Variants in PLEKHG3 observed in about 807,000 individuals in gnomAD.
PLEKHG3 encodes the protein pleckstrin homology domain-containing family G member 3.
Under a neutral mutation model 94.9 loss-of-function variants are expected in PLEKHG3, and 62 were observed. The observed-to-expected ratio is 0.65, with a 90% CI of 0.53 to 0.81. PLEKHG3 has a LOEUF of 0.81. Among genes scored for constraint, PLEKHG3 ranks in the 30% least tolerant of loss-of-function variants. PLEKHG3 has a pLI of 0.00. For synonymous variants in PLEKHG3, 614 were observed against 654.0 expected (o/e 0.94, Z 0.93); for missense variants, 1,461 against 1,619.3 (o/e 0.90, Z 1.68).
rs1404022995 is a variant in PLEKHG3 at position 64,732,355 on chromosome 14, C to T, written c.1213-72C>T. The T allele has an allele frequency of 7.0e-7, 1 of 1,421,782 alleles. No individual in the cohort carries two copies. The highest frequency in any genetic ancestry group is 1.4e-5 in the African/African-American group (1 of 71,318). The allele number at this position is 1,421,782 out of a possible 1,614,324, so 88.1% of individuals were successfully genotyped here. A position where few individuals can be genotyped will look rare whatever the true frequency, so the allele number is the denominator to read the frequency against. ...ACTGTGGGGTGTCCTCGTACAGCAA[C>T]AGTGGGTCCTATGGGCAGGGAAGGC... On this transcript the variant is annotated intron_variant, in intron 10 of 16. Transcript: ENST00000247226. The surrounding 1 kb of genome is among the most constrained non-coding windows in gnomAD (Gnocchi z 4.9).
chr14:64,716,240 T>C lies in PLEKHG3; in HGVS notation c.-39-11353T>C. The C allele has an allele frequency of 2.8e-6, 1 of 356,540 alleles. No homozygotes were observed. The highest frequency in any genetic ancestry group is 5.6e-6 in the Non-Finnish European group (1 of 178,524). 22.1% of individuals were successfully genotyped at this position (356,540 alleles called of 1,614,324 possible). A position where few individuals can be genotyped will look rare whatever the true frequency, so the allele number is the denominator to read the frequency against. On this transcript the variant is annotated intron_variant, in intron 1 of 16. Transcript: ENST00000247226. This position sits in a 1 kb window ranked among gnomAD's most constrained non-coding sequence, Gnocchi z 5.0. ...GGGTAAAAGGCAGGTTTTTCCCTTG[T>C]GGGTTAGACACTGAGGACCATAAAG...
rs202235734 is a variant in PLEKHG3, at chr14:64,743,190, C to T, written c.3147C>T (p.Asp1049=). 4.3e-5 allele frequency: 69 copies of T among 1,610,276 alleles called. 1 individual carries two copies. The highest frequency in any genetic ancestry group is 9.3e-5 in the African/African-American group (7 of 75,038). The change falls in exon 17 of 17, where the codon GAC becomes GAT. Residue 1049 remains aspartate, a synonymous_variant. Transcript: ENST00000247226. The surrounding 1 kb of genome is among the most constrained non-coding windows in gnomAD (Gnocchi z 7.2). ...CCACAGAGACCTTCAGCTGGCCCGACGTCCGTGAGCTCTGCTCCAAGTATG... is the reference window on the plus strand; with the variant it reads ...CCACAGAGACCTTCAGCTGGCCCGATGTCCGTGAGCTCTGCTCCAAGTATG... ...LSPTETFSWP[D]VRELCSKYAS...
At chr14:64,737,739 G>A (rs2081599436) in intron 14 of PLEKHG3, 2 of 414,424 alleles carry the variant, frequency 4.8e-6, no homozygotes, top group Non-Finnish European at 8.1e-6. Context: ...GACCCCAGTG[G>A]CAACCTGAGT....
In PLEKHG3 at chr14:64,727,271, A is replaced by T. The variant is rs1405909104; in HGVS notation, c.-39-322A>T. ...GCAGGTGGACTTGGGCACCCTCATC[A>T]GTGCTCATAGAGTCTGAGAACAGGG... On this transcript the variant is annotated intron_variant, in intron 1 of 16. Transcript: ENST00000247226. This position sits in a 1 kb window ranked among gnomAD's most constrained non-coding sequence, Gnocchi z 6.0. Among the ~76,000 whole-genome samples, 2 of 152,136 alleles carry T rather than the reference A, an allele frequency of 1.3e-5. No individual in the cohort carries two copies. The highest frequency in any genetic ancestry group is 2.9e-5 in the Non-Finnish European group (2 of 68,022).
chr14:64,707,601 G>A (rs2080992696), intron 1 of PLEKHG3, among the ~76,000 whole-genome samples: 1 of 152,252 alleles, frequency 6.6e-6, no homozygotes, highest in Non-Finnish European at 1.5e-5. Flanking sequence ...GGGAAGGTAG[G>A]TGTGAATTGT....
chr14:64,738,317 A>G lies in PLEKHG3; in HGVS notation c.1405-425A>G, dbSNP rs1594707517. Reference sequence around the variant, plus strand: ...CCCCCTCTGCTGCCCTCCTCACCCCACCCTGCCCTGGTTTTACTCCTCCCC... The same window carrying G: ...CCCCCTCTGCTGCCCTCCTCACCCCGCCCTGCCCTGGTTTTACTCCTCCCC... On this transcript the variant is annotated intron_variant, in intron 14 of 16. Transcript: ENST00000247226. The surrounding 1 kb of genome is among the most constrained non-coding windows in gnomAD (Gnocchi z 4.8). The G allele has an allele frequency of 1.4e-6, 1 of 736,328 alleles. No homozygotes were observed. The highest frequency in any genetic ancestry group is 2.8e-5 in the Admixed American group (1 of 36,204). The allele number at this position is 736,328 out of a possible 1,614,324, so 45.6% of individuals were successfully genotyped here. A position where few individuals can be genotyped will look rare whatever the true frequency, so the allele number is the denominator to read the frequency against.
Position 64,730,200 on chromosome 14 carries a change from C to A in PLEKHG3, c.450-43C>A. ...GGAGGGGGCAGTGAGGGGCATTGTC[C>A]TCTGACTGCAGAGGGTACAGTGGCT... On this transcript the variant is annotated intron_variant, in intron 3 of 16. Transcript: ENST00000247226. This position sits in a 1 kb window ranked among gnomAD's most constrained non-coding sequence, Gnocchi z 5.4. 1 of 1,141,416 alleles carries A rather than the reference C, an allele frequency of 8.8e-7. No individual in the cohort carries two copies. The highest frequency in any genetic ancestry group is 1.3e-6 in the Non-Finnish European group (1 of 786,626). 70.7% of individuals were successfully genotyped at this position (1,141,416 alleles called of 1,614,324 possible). A position where few individuals can be genotyped will look rare whatever the true frequency, so the allele number is the denominator to read the frequency against.
chr14:64,711,629 G>A (rs1168304790), intron 1 of PLEKHG3, among the ~76,000 whole-genome samples: 1 of 152,114 alleles, frequency 6.6e-6, no homozygotes, highest in African/African-American at 2.4e-5. Flanking sequence ...AGCCAGGATG[G>A]TCTCGATCTC....
Position 64,731,977 on chromosome 14 carries a change from C to A in PLEKHG3, c.1126-118C>A. 1 of 879,800 alleles carries A rather than the reference C, an allele frequency of 1.1e-6. No homozygotes were observed. Among genetic ancestry groups the A allele is most frequent in the Non-Finnish European group, 1.9e-6 (1 of 530,796 alleles). 54.5% of individuals were successfully genotyped at this position (879,800 alleles called of 1,614,324 possible). A position where few individuals can be genotyped will look rare whatever the true frequency, so the allele number is the denominator to read the frequency against. On this transcript the variant is annotated intron_variant, in intron 9 of 16. Coordinates refer to ENST00000247226, the MANE Select transcript of PLEKHG3 (RefSeq NM_001308147.2). The surrounding 1 kb of genome is among the most constrained non-coding windows in gnomAD (Gnocchi z 6.1). Reference sequence around the variant, plus strand: ...GGTCAAAGTGAGGAGTCAGGTTAACCTCACAGAGGCCCCAGCATGGCCCCA... The same window carrying A: ...GGTCAAAGTGAGGAGTCAGGTTAACATCACAGAGGCCCCAGCATGGCCCCA...
At chr14:64,733,908 C>T (rs1357600328) in intron 12 of PLEKHG3, among the ~76,000 whole-genome samples, 1 of 152,218 alleles carries the variant, frequency 6.6e-6, no homozygotes, top group Non-Finnish European at 1.5e-5. Flanking sequence ...TGGCTTAAGC[C>T]AGGTGTCTGC....
chr14:64,716,473 ACACACACAAC>A lies in PLEKHG3; in HGVS notation c.-39-11119_-39-11110del. 7.6e-6 allele frequency among the ~76,000 whole-genome samples: 1 copy of A among 131,986 alleles called. No individual in the cohort carries two copies. The highest frequency in any genetic ancestry group is 2.5e-4 in the South Asian group (1 of 3,966). 86.6% of individuals were successfully genotyped at this position (131,986 alleles called of 152,430 possible). A position where few individuals can be genotyped will look rare whatever the true frequency, so the allele number is the denominator to read the frequency against. ...ACACACACACACACACACAACACAC[ACACACACAAC>A]ACACACACACACAACACACACACAC... On this transcript the variant is annotated intron_variant, in intron 1 of 16. Transcript: ENST00000247226. The surrounding 1 kb of genome is among the most constrained non-coding windows in gnomAD (Gnocchi z 5.0).
Position 64,741,541 on chromosome 14 carries a change from T to C in PLEKHG3, c.2024T>C (p.Val675Ala). 1 of 1,612,658 alleles carries C rather than the reference T, an allele frequency of 6.2e-7. No individual in the cohort carries two copies. The highest frequency in any genetic ancestry group is 8.5e-7 in the Non-Finnish European group (1 of 1,179,924). Residue 675 changes from valine (V) to alanine (A), a missense_variant, in exon 16 of 17, where the codon GTG becomes GCG. Val to Ala is a moderately conservative substitution (Grantham distance 64). Around this residue, in one of 3 missense-constraint regions of PLEKHG3, gnomAD observed 1,201 missense variants for 1,295.5 expected, o/e 0.93. Transcript: ENST00000247226. ...LSPEVDISVG[V>A]ATEDSPSVNG... ...CCAGAAGTGGACATCAGTGTGGGGG[T>C]GGCCACAGAGGACAGCCCTTCTGTC...
chr14:64,734,393 T>G (rs1462975156), intron 12 of PLEKHG3, among the ~76,000 whole-genome samples: 2 of 152,220 alleles, frequency 1.3e-5, no homozygotes, highest in South Asian at 2.1e-4. Flanking sequence ...AGTGATAACG[T>G]TGGTGGTAGT....
In PLEKHG3 at chr14:64,732,609, A is replaced by G. The variant is rs1176755358; in HGVS notation, c.1246+149A>G. The stretch of plus-strand genomic sequence containing the variant: ...TAAGGGCTGGGGGGTGAACTACATG[A>G]TTAAGGATGCTCTCCTGCTGAGCGG... On this transcript the variant is annotated intron_variant, in intron 11 of 16. Coordinates refer to ENST00000247226, the MANE Select transcript of PLEKHG3 (RefSeq NM_001308147.2). This position sits in a 1 kb window ranked among gnomAD's most constrained non-coding sequence, Gnocchi z 4.9. The G allele has an allele frequency of 1.2e-6, 1 of 805,832 alleles. No homozygotes were observed. Among genetic ancestry groups the G allele is most frequent in the African/African-American group, 1.7e-5 (1 of 58,910 alleles). 49.9% of individuals were successfully genotyped at this position (805,832 alleles called of 1,614,324 possible).
chr14:64,713,338 T>A (rs1372713874), intron 1 of PLEKHG3, among the ~76,000 whole-genome samples: 1 of 152,210 alleles, frequency 6.6e-6, no homozygotes, highest in Non-Finnish European at 1.5e-5. Flanking sequence ...TTCCTGCTGT[T>A]TTTTTGTGGG....
In PLEKHG3 at chr14:64,704,559, AGCTGAGGGGCTG is replaced by A. The variant is rs2080942787; in HGVS notation, c.-182_-171del. 1 of 153,112 alleles carries A rather than the reference AGCTGAGGGGCTG, an allele frequency of 6.5e-6. No individual in the cohort carries two copies. The highest frequency in any genetic ancestry group is 2.4e-5 in the African/African-American group (1 of 41,440). 9.5% of individuals were successfully genotyped at this position (153,112 alleles called of 1,614,324 possible). On this transcript the variant is annotated 5_prime_UTR_variant, in exon 1 of 17. Coordinates refer to ENST00000247226, the MANE Select transcript of PLEKHG3 (RefSeq NM_001308147.2). The surrounding 1 kb of genome is among the most constrained non-coding windows in gnomAD (Gnocchi z 5.6). ...GCTTGCAGCTGGCCGAGTCCGGGCC[AGCTGAGGGGCTG>A]GCGGTGGGCGGGAGCGGTCGGCGGC...
Position 64,742,057 on chromosome 14 carries a change from TCATC to T in PLEKHG3, c.2542_2545del (p.Ile848TrpfsTer36), listed in dbSNP as rs1255519474. 6.2e-7 allele frequency: 1 copy of T among 1,604,654 alleles called. No homozygotes were observed. ...GGCTTTGACCTGCATGAGCCACTCT[TCATC>T]CTGGAGGAGCATGAGCTGGGAGCCA... On this transcript the variant is annotated frameshift_variant, in exon 16 of 17. Transcript: ENST00000247226. LOFTEE classifies it high-confidence loss of function.
At position 64,731,723 on chromosome 14, in the gene PLEKHG3, C is replaced by G. The variant is rs377078597; in HGVS notation, c.1042C>G (p.Leu348Val). 117 of 1,612,832 alleles carry G rather than the reference C, an allele frequency of 7.3e-5. No homozygotes were observed. The highest frequency in any genetic ancestry group is 9.6e-5 in the Non-Finnish European group (113 of 1,179,000). ...TTCCCTCTGCCCCTAGTGCTCCTCC[C>G]TGATGCTGATCGAAAGCACCAGAGA... ...VYKGNIPCSS[L>V]MLIESTRDSL... The change falls in exon 9 of 17, where the codon CTG becomes GTG. Residue 348 changes from leucine to valine, a missense_variant. Around this residue, in one of 3 missense-constraint regions of PLEKHG3, gnomAD observed 1,201 missense variants for 1,295.5 expected, o/e 0.93. Transcript: ENST00000247226. The surrounding 1 kb of genome is among the most constrained non-coding windows in gnomAD (Gnocchi z 6.1).
chr14:64,737,031 C>A, intron 13 of PLEKHG3, 140 bp downstream of exon 13: 2 of 750,314 alleles, frequency 2.7e-6, no homozygotes, highest in East Asian at 2.6e-5. Context: ...TCCATTCCCC[C>A]CAGAAGAGGG....
Sources: allele counts gnomAD v4.1 joint callset (sites outside exome capture counted in the v4.1 genomes callset), GRCh38; gene constraint gnomAD v4.1.1; regional missense constraint gnomAD v4.1.1; non-coding constraint Gnocchi (gnomAD v3.1); transcripts MANE v1.5; gene names NCBI Gene and HGNC (gene_info 2026-07-23, HGNC 2026-07-21).